EHMT1: variants seen among roughly 807,000 people sequenced by gnomAD.
EHMT1 encodes histone-lysine N-methyltransferase EHMT1.
In EHMT1, 15 loss-of-function variants were observed where a neutral mutation model predicts 147.2. That is an observed-to-expected ratio of 0.10 (90% CI 0.07 to 0.16). EHMT1 has a LOEUF of 0.16. Among genes scored for constraint, EHMT1 ranks in the 10% least tolerant of loss-of-function variants. The probability of loss-of-function intolerance (pLI) is 1.00; values close to 1 mark genes in which losing one functional copy is unlikely to be tolerated. For synonymous variants in EHMT1, 795 were observed against 709.6 expected (o/e 1.12, Z -1.91); for missense variants, 1,587 against 1,772.4 (o/e 0.90, Z 1.88).
At chr9:137,778,089 A>C in intron 13 of EHMT1, 34 bp downstream of exon 13, 4 of 1,613,394 alleles carry the variant, frequency 2.5e-6, no homozygotes, top group African/African-American at 1.3e-5. Context: ...GAGATGTCTC[A>C]GAGCCTGTTT....
chr9:137,768,357 T>TG (rs996924844), intron 10 of EHMT1, among the ~76,000 whole-genome samples: 34 of 145,322 alleles, frequency 2.3e-4, no homozygotes, highest in Non-Finnish European at 4.5e-4. Flanking sequence ...GTTTTTTTTT[T>TG]TTTTTTTTTT....
At chr9:137,643,959 G>A (rs966055493) in intron 1 of EHMT1, among the ~76,000 whole-genome samples, 17 of 152,286 alleles carry the variant, frequency 1.1e-4, no homozygotes, top group Admixed American at 1.1e-3. Context: ...CCTGTCTGAC[G>A]TGTCATTGCG....
At chr9:137,791,784 T>C (rs1241346905) in intron 16 of EHMT1, among the ~76,000 whole-genome samples, 3 of 152,136 alleles carry the variant, frequency 2.0e-5, no homozygotes, top group Non-Finnish European at 4.4e-5. Flanking sequence ...CAGATTGGAG[T>C]GCAGTGGCAC....
intron 1 of EHMT1, among the ~76,000 whole-genome samples, chr9:137,678,268 C>T (rs1941583185): frequency 6.6e-6 from 1 of 151,966 alleles, no homozygotes; most frequent in Non-Finnish European, 1.5e-5. Context: ...CTGCTAGAGC[C>T]CCCAGCACAG....
chr9:137,787,468 T>G lies in EHMT1; in HGVS notation c.2383-3380T>G, dbSNP rs1952073065. Among the ~76,000 whole-genome samples the G allele has an allele frequency of 6.6e-6, 1 of 152,142 alleles. No individual in the cohort carries two copies. Among genetic ancestry groups the G allele is most frequent in the East Asian group, 1.9e-4 (1 of 5,176 alleles). ...TCTGGGTGTAGGGGAAACAGAGGCA[T>G]GACTGACCAGGGCCAGGGCCGTGCC... On this transcript the variant is annotated intron_variant, in intron 15 of 26. Transcript: ENST00000460843. The surrounding 1 kb of genome is among the most constrained non-coding windows in gnomAD (Gnocchi z 4.2).
At chr9:137,652,672 C>T (rs1231801862) in intron 1 of EHMT1, among the ~76,000 whole-genome samples, 2 of 151,502 alleles carry the variant, frequency 1.3e-5, no homozygotes, top group East Asian at 3.9e-4. Context: ...AGGCGTGAGC[C>T]ACCGCGCCTG....
intron 1 of EHMT1, among the ~76,000 whole-genome samples, chr9:137,623,978 C>T (rs894560974): frequency 1.7e-4 from 26 of 150,966 alleles, no homozygotes; most frequent in Admixed American, 1.5e-3. Context: ...TGCCGCCATA[C>T]CCGGTTGATT....
intron 10 of EHMT1, among the ~76,000 whole-genome samples, chr9:137,765,065 G>A (rs929891002): frequency 2.0e-5 from 3 of 152,260 alleles, no homozygotes; most frequent in Non-Finnish European, 2.9e-5. Flanking sequence ...CTGGGTTTCT[G>A]CGGCGGCCGC....
At chr9:137,785,655 GCTTT>G (rs1159336934) in intron 15 of EHMT1, 3 of 152,168 alleles carry the variant, frequency 2.0e-5, no homozygotes, top group African/African-American at 7.2e-5. Context: ...GTTCTCTTTG[GCTTT>G]CTTTTTTAAA....
At chr9:137,738,897 G>A (rs896666825) in intron 4 of EHMT1, 1 of 152,340 alleles carries the variant, frequency 6.6e-6, no homozygotes, top group African/African-American at 2.4e-5. Flanking sequence ...GCTGGAGGAA[G>A]GGAATGGAGA....
intron 18 of EHMT1, chr9:137,802,518 T>G: frequency 2.5e-6 from 1 of 398,642 alleles, no homozygotes; most frequent in Non-Finnish European, 4.4e-6. Flanking sequence ...AGCACACTAT[T>G]AAATCTCCAA....
intron 1 of EHMT1, among the ~76,000 whole-genome samples, chr9:137,679,979 C>G (rs1349814124): frequency 6.6e-6 from 1 of 152,214 alleles, no homozygotes; most frequent in Non-Finnish European, 1.5e-5. Flanking sequence ...ACTTAGCCAG[C>G]TGCCTCAGTG....
intron 1 of EHMT1, among the ~76,000 whole-genome samples, chr9:137,639,978 AG>A (rs1291404417): frequency 2.0e-5 from 3 of 152,178 alleles, no homozygotes; most frequent in African/African-American, 7.2e-5. Context: ...CTTGTTGCCC[AG>A]GCTGGAGTGC....
chr9:137,797,943 C>T (rs11137233), intron 16 of EHMT1, among the ~76,000 whole-genome samples: 8,516 of 152,234 alleles, frequency 0.056, 759 homozygotes, highest in African/African-American at 0.19. Flanking sequence ...GCGGTGTGGG[C>T]GGCACCGGCT....
chr9:137,810,561 C>T (rs1320426403), intron 18 of EHMT1, among the ~76,000 whole-genome samples: 2 of 152,124 alleles, frequency 1.3e-5, no homozygotes, highest in Admixed American at 6.5e-5. Flanking sequence ...ATTTTCTTCT[C>T]CTTTGCACAT....
intron 22 of EHMT1, chr9:137,814,855 A>G: frequency 2.2e-6 from 1 of 450,354 alleles, no homozygotes; most frequent in Non-Finnish European, 4.1e-6. Context: ...GCTGAGTGTG[A>G]GGGGTGTGAA....
At chr9:137,739,484 G>A (rs918870689) in intron 4 of EHMT1, among the ~76,000 whole-genome samples, 16 of 150,564 alleles carry the variant, frequency 1.1e-4, no homozygotes, top group African/African-American at 3.9e-4. Flanking sequence ...GCTTGGTACA[G>A]TGTCCACACT....
At chr9:137,641,749 TG>T (rs1193598325) in intron 1 of EHMT1, among the ~76,000 whole-genome samples, 1 of 152,092 alleles carries the variant, frequency 6.6e-6, no homozygotes, top group African/African-American at 2.4e-5. Context: ...GACGGGTGTT[TG>T]GGGGTCATTC....
In EHMT1 at chr9:137,787,799, C is replaced by T. The variant is rs957729248; in HGVS notation, c.2383-3049C>T. On this transcript the variant is annotated intron_variant, in intron 15 of 26. Transcript: ENST00000460843. The surrounding 1 kb of genome is among the most constrained non-coding windows in gnomAD (Gnocchi z 4.2). The stretch of plus-strand genomic sequence containing the variant: ...GGCGTCTAGATCCCAGCCCTGGGGG[C>T]CCTCAGGTTTCAGGGGCCACCCCCC... 1.2e-6 allele frequency: 1 copy of T among 856,934 alleles called. No individual in the cohort carries two copies. Among genetic ancestry groups the T allele is most frequent in the Admixed American group, 1.7e-5 (1 of 58,742 alleles). 53.1% of individuals were successfully genotyped at this position (856,934 alleles called of 1,614,324 possible).
Sources: allele counts gnomAD v4.1 joint callset (sites outside exome capture counted in the v4.1 genomes callset), GRCh38; gene constraint gnomAD v4.1.1; non-coding constraint Gnocchi (gnomAD v3.1); transcripts MANE v1.5; gene names NCBI Gene and HGNC (gene_info 2026-07-23, HGNC 2026-07-21).